SGCD: variants seen among roughly 807,000 people sequenced by gnomAD.
SGCD encodes sarcoglycan delta.
SGCD carries 18 observed loss-of-function variants against 36.6 expected under a neutral mutation model. The observed-to-expected ratio is 0.49, with a 90% confidence interval of 0.34 to 0.73. The LOEUF is 0.73. SGCD is among the 30% of genes least tolerant of loss of function. The probability of loss-of-function intolerance (pLI) is 0.01; values close to 1 mark genes in which losing one functional copy is unlikely to be tolerated. For missense variants in SGCD, 387 were observed against 346.7 expected (o/e 1.12, Z -0.92); for synonymous variants, 133 against 130.6 (o/e 1.02, Z -0.12).
At chr5:156,368,099 TC>T (rs1770198891) in intron 3 of SGCD, among the ~76,000 whole-genome samples, 1 of 152,152 alleles carries the variant, frequency 6.6e-6, no homozygotes, top group East Asian at 1.9e-4. Context: ...TTTTTTTTTT[TC>T]TTTTTTTCGA....
chr5:156,478,909 A>G (rs975283073), intron 3 of SGCD, among the ~76,000 whole-genome samples: 1 of 151,916 alleles, frequency 6.6e-6, no homozygotes, highest in Admixed American at 6.6e-5. Context: ...GCCAAACCCT[A>G]CTACCTCTTA....
chr5:156,328,586 T>C (rs768729580), intron 1 of SGCD, among the ~76,000 whole-genome samples: 2 of 152,160 alleles, frequency 1.3e-5, no homozygotes, highest in Non-Finnish European at 2.9e-5. Flanking sequence ...AGACCTAGAA[T>C]GAGAAGGCAC....
chr5:156,148,410 CT>C (rs1762757208), intron 3 of SGCD, among the ~76,000 whole-genome samples: 8 of 152,112 alleles, frequency 5.3e-5, no homozygotes, highest in Admixed American at 5.2e-4. Flanking sequence ...GTCCTGGCAG[CT>C]GTTTGGCATC....
intron 3 of SGCD, among the ~76,000 whole-genome samples, chr5:156,499,553 T>G (rs1159339398): frequency 6.6e-6 from 1 of 152,168 alleles, no homozygotes; most frequent in Non-Finnish European, 1.5e-5. Flanking sequence ...AAAAGACATC[T>G]AATCATAACC....
At chr5:155,903,805 A>T (rs549874104) in intron 1 of SGCD, among the ~76,000 whole-genome samples, 1 of 152,194 alleles carries the variant, frequency 6.6e-6, no homozygotes, top group African/African-American at 2.4e-5. Context: ...CTCTAACTTA[A>T]TTCAGCTTCA....
intron 3 of SGCD, among the ~76,000 whole-genome samples, chr5:156,229,803 T>A (rs1316668367): frequency 1.3e-5 from 2 of 152,148 alleles, no homozygotes; most frequent in African/African-American, 4.8e-5. Flanking sequence ...TGATTATTCT[T>A]AGGTTTGGTC....
At chr5:156,002,417 T>C (rs1581036532) in intron 1 of SGCD, among the ~76,000 whole-genome samples, 1 of 152,242 alleles carries the variant, frequency 6.6e-6, no homozygotes, top group Admixed American at 6.5e-5. Context: ...TGTGGTATTT[T>C]ATAATGACAG....
chr5:156,305,191 T>G (rs897155930), intron 3 of SGCD, among the ~76,000 whole-genome samples: 17 of 152,090 alleles, frequency 1.1e-4, no homozygotes, highest in African/African-American at 3.9e-4. Context: ...CTCCAGGGCA[T>G]GTCAGAGGTC....
chr5:155,888,786 C>T (rs1756062334), intron 1 of SGCD, among the ~76,000 whole-genome samples: 1 of 152,142 alleles, frequency 6.6e-6, no homozygotes, highest in African/African-American at 2.4e-5. Context: ...GAGTGACCTT[C>T]CTGTTTTTCT....
chr5:156,123,450 G>A (rs371487720), intron 2 of SGCD, among the ~76,000 whole-genome samples: 1 of 152,044 alleles, frequency 6.6e-6, no homozygotes, highest in African/African-American at 2.4e-5. Flanking sequence ...AGTGATGCAC[G>A]GTCTCCTTGT....
intron 3 of SGCD, among the ~76,000 whole-genome samples, chr5:156,231,988 G>A (rs887090389): frequency 6.6e-6 from 1 of 152,132 alleles, no homozygotes; most frequent in Non-Finnish European, 1.5e-5. Context: ...ATCCTCAGAG[G>A]CAGTATCAGT....
the SGCD span, among the ~76,000 whole-genome samples, chr5:155,795,357 C>T: frequency 2.0e-5 from 3 of 152,034 alleles, no homozygotes; most frequent in Admixed American, 6.5e-5. Flanking sequence ...AATGCAGATA[C>T]ATTCTTGGAT....
At chr5:156,074,855 T>A (rs553504154) in intron 1 of SGCD, among the ~76,000 whole-genome samples, 1 of 152,190 alleles carries the variant, frequency 6.6e-6, no homozygotes, top group Non-Finnish European at 1.5e-5. Context: ...TTAACAATTA[T>A]GAGCAGATGA....
At chr5:156,692,370 A>T (rs560969801) in intron 7 of SGCD, among the ~76,000 whole-genome samples, 24 of 152,332 alleles carry the variant, frequency 1.6e-4, no homozygotes, top group African/African-American at 5.8e-4. Context: ...CACAAGTGCT[A>T]GATATCTGCC....
At chr5:155,752,740 C>A in the SGCD span, among the ~76,000 whole-genome samples, 1 of 152,156 alleles carries the variant, frequency 6.6e-6, no homozygotes, top group African/African-American at 2.4e-5. Flanking sequence ...ATTTCTAACA[C>A]CTAGTAGATG....
chr5:156,115,102 A>G (rs1458458940), intron 1 of SGCD, among the ~76,000 whole-genome samples: 4 of 152,108 alleles, frequency 2.6e-5, no homozygotes, highest in African/African-American at 7.2e-5. Context: ...AAACAATAAA[A>G]TATTTTCGAT....
At chr5:156,133,800 G>T (rs1281258451) in intron 3 of SGCD, among the ~76,000 whole-genome samples, 2 of 151,896 alleles carry the variant, frequency 1.3e-5, no homozygotes, top group Non-Finnish European at 2.9e-5. Context: ...ATGTTTTGCA[G>T]TCTGTTTGTT....
intron 1 of SGCD, among the ~76,000 whole-genome samples, chr5:156,327,724 T>G (rs944962608): frequency 6.6e-6 from 1 of 152,256 alleles, no homozygotes; most frequent in African/African-American, 2.4e-5. Context: ...CTACGTTGGA[T>G]GACACTTTCA....
intron 3 of SGCD, among the ~76,000 whole-genome samples, chr5:156,357,759 C>G (rs371416032): frequency 2.0e-5 from 3 of 152,138 alleles, no homozygotes; most frequent in Non-Finnish European, 4.4e-5. Flanking sequence ...TTGTAGAAAC[C>G]TCACTGAATG....
Sources: allele counts gnomAD v4.1 joint callset (sites outside exome capture counted in the v4.1 genomes callset), GRCh38; gene constraint gnomAD v4.1.1; transcripts MANE v1.5; gene names NCBI Gene and HGNC (gene_info 2026-07-23, HGNC 2026-07-21).